Variants in AKR1C4 observed in about 807,000 individuals in gnomAD.
AKR1C4 encodes the protein 3-alpha-HSD1.
In AKR1C4, 44 loss-of-function variants were observed where a neutral mutation model predicts 41.0. The observed-to-expected ratio is 1.07, with a 90% confidence interval of 0.84 to 1.38. AKR1C4 has a LOEUF of 1.38. AKR1C4 is among the 40% of genes most tolerant of loss of function. The pLI is 0.00. For synonymous variants in AKR1C4, 165 were observed against 137.7 expected (o/e 1.20, Z -1.39); for missense variants, 438 against 387.9 (o/e 1.13, Z -1.09).
chr10:5,211,968 GAAC>G (rs1832582170), intron 5 of AKR1C4, among the ~76,000 whole-genome samples: 2 of 152,108 alleles, frequency 1.3e-5, no homozygotes, highest in Admixed American at 6.5e-5. Flanking sequence ...ACTATCATGA[GAAC>G]AACACAGGAA....
At chr10:5,197,452 T>C (rs11594520) in intron 1 of AKR1C4, among the ~76,000 whole-genome samples, 12,190 of 152,324 alleles carry the variant, frequency 0.08, 531 homozygotes, top group Middle Eastern at 0.13. Context: ...ACAGTAATAC[T>C]GGTCCTGGAC....
chr10:5,197,998 A>G (rs1554796491), intron 1 of AKR1C4, among the ~76,000 whole-genome samples: 1 of 152,184 alleles, frequency 6.6e-6, no homozygotes, highest in African/African-American at 2.4e-5. Context: ...AAGCTTCAGA[A>G]AAGCTTATAT....
intron 2 of AKR1C4, among the ~76,000 whole-genome samples, chr10:5,201,384 G>A (rs782539670): frequency 1.7e-4 from 26 of 151,958 alleles, no homozygotes; most frequent in Non-Finnish European, 2.4e-4. Context: ...TCATATGTTC[G>A]TTGGCTGTTT....
At position 5,201,099 on chromosome 10, in the gene AKR1C4, ACTT is replaced by A. The variant is rs1344004048; in HGVS notation, c.252+755_252+757del. On this transcript the variant is annotated intron_variant, in intron 2 of 8. Coordinates refer to ENST00000263126, the MANE Select transcript of AKR1C4 (RefSeq NM_001818.5). ...GGGTATGTGTTTTTTATATATAATG[ACTT>A]CTTTTCTTTTTGGTAGATACCAGTA... Among the ~76,000 whole-genome samples, 5 of 152,088 alleles carry A rather than the reference ACTT, an allele frequency of 3.3e-5. No homozygotes were observed. In the East Asian group the frequency reaches 7.7e-4, roughly 24 times the overall value.
intron 3 of AKR1C4, chr10:5,204,742 C>T (rs1554797304): frequency 3.4e-6 from 2 of 586,672 alleles, no homozygotes; most frequent in African/African-American, 3.7e-5. Context: ...CAGCCACCTT[C>T]AAGGCTCTGT....
At chr10:5,212,557 T>C (rs953355373) in intron 5 of AKR1C4, 59 bp from the exon 6 acceptor site, 4 of 1,423,816 alleles carry the variant, frequency 2.8e-6, no homozygotes, top group Non-Finnish European at 3.8e-6. Flanking sequence ...TATTTTAATC[T>C]TTATATTAAC....
At chr10:5,198,432 G>C (rs906126460) in intron 1 of AKR1C4, among the ~76,000 whole-genome samples, 19 of 152,118 alleles carry the variant, frequency 1.2e-4, no homozygotes, top group Admixed American at 9.8e-4. Context: ...ACAAAGTGTG[G>C]GGTTTCTGTA....
At position 5,218,601 on chromosome 10, in the gene AKR1C4, C is replaced by G. The variant is rs993670186; in HGVS notation, c.930-117C>G. ...CATGAAAGACATTCTACAAATAGTC[C>G]GAAAATAAACTTCTTAACATTCACA... On this transcript the variant is annotated intron_variant, in intron 8 of 8. Coordinates refer to ENST00000263126, the MANE Select transcript of AKR1C4 (RefSeq NM_001818.5). 2.4e-5 allele frequency: 17 copies of G among 721,258 alleles called. No individual in the cohort carries two copies. The African/African-American group carries it at 2.9e-4, about 12-fold the overall frequency. 44.7% of individuals were successfully genotyped at this position (721,258 alleles called of 1,614,324 possible).
intron 5 of AKR1C4, 74 bp downstream of exon 5, chr10:5,206,471 G>A: frequency 1.9e-6 from 3 of 1,600,712 alleles, no homozygotes; most frequent in Middle Eastern, 1.7e-4. Flanking sequence ...GCTTCCATTT[G>A]TTTTGTTCCA....
At chr10:5,218,374 C>A (rs1434202045) in intron 8 of AKR1C4, among the ~76,000 whole-genome samples, 1 of 152,050 alleles carries the variant, frequency 6.6e-6, no homozygotes, top group Non-Finnish European at 1.5e-5. Flanking sequence ...CTATTCAAAA[C>A]AATGCAAGAT....
intron 3 of AKR1C4, among the ~76,000 whole-genome samples, chr10:5,205,354 A>G (rs549665165): frequency 1.3e-5 from 2 of 152,324 alleles, no homozygotes; most frequent in South Asian, 2.1e-4. Flanking sequence ...GATCCTGCTC[A>G]TGGACTATCA....
intron 2 of AKR1C4, among the ~76,000 whole-genome samples, chr10:5,202,943 G>T (rs1194804712): frequency 2.5e-3 from 45 of 18,324 alleles, no homozygotes; most frequent in African/African-American, 4.2e-3. Context: ...TTTCTTTTGT[G>T]TGTGTGTGTG....
At chr10:5,210,288 C>CT in intron 5 of AKR1C4, among the ~76,000 whole-genome samples, 1 of 152,348 alleles carries the variant, frequency 6.6e-6, no homozygotes, top group African/African-American at 2.4e-5. Flanking sequence ...AGCTCCACCA[C>CT]TGTGGCTTTG....
intron 6 of AKR1C4, 71 bp downstream of exon 6, chr10:5,212,796 T>C (rs2132137607): frequency 6.7e-7 from 1 of 1,502,730 alleles, no homozygotes; most frequent in East Asian, 2.3e-5. Context: ...GCATACTCAG[T>C]CTCCTAGAGT....
chr10:5,198,906 G>C (rs543299906), intron 1 of AKR1C4, among the ~76,000 whole-genome samples: 11 of 151,592 alleles, frequency 7.3e-5, no homozygotes, highest in Admixed American at 7.2e-4. Flanking sequence ...GGAGGCCAAG[G>C]TGGGAGGATC....
intron 1 of AKR1C4, among the ~76,000 whole-genome samples, chr10:5,197,863 C>T (rs1832335120): frequency 6.6e-6 from 1 of 152,156 alleles, no homozygotes; most frequent in Admixed American, 6.5e-5. Context: ...AGGAAAAGCA[C>T]AACACGGAAG....
At chr10:5,204,891 A>G (rs1832461621) in intron 3 of AKR1C4, among the ~76,000 whole-genome samples, 1 of 152,210 alleles carries the variant, frequency 6.6e-6, no homozygotes, top group South Asian at 2.1e-4. Flanking sequence ...AAGCTGAAGT[A>G]GATTTGGTGG....
At chr10:5,205,922 C>T in intron 4 of AKR1C4, 88 bp downstream of exon 4, 2 of 1,304,748 alleles carry the variant, frequency 1.5e-6, no homozygotes, top group Non-Finnish European at 2.1e-6. Flanking sequence ...TTGGAATATG[C>T]ACCATTGGAA....
intron 1 of AKR1C4, among the ~76,000 whole-genome samples, chr10:5,197,995 A>T (rs7070862): frequency 0.12 from 17,752 of 152,238 alleles, 1,293 homozygotes; most frequent in Admixed American, 0.17. Flanking sequence ...AGAAAGCTTC[A>T]GAAAAGCTTA....
Sources: allele counts gnomAD v4.1 joint callset (sites outside exome capture counted in the v4.1 genomes callset), GRCh38; gene constraint gnomAD v4.1.1; transcripts MANE v1.5; gene names NCBI Gene and HGNC (gene_info 2026-07-23, HGNC 2026-07-21).